Variants in ABCB1 observed in about 807,000 individuals in gnomAD.
ABCB1 encodes ATP binding cassette subfamily B member 1.
Under a neutral mutation model 142.0 loss-of-function variants are expected in ABCB1, and 69 were observed. The observed-to-expected ratio is 0.49, with a 90% CI of 0.40 to 0.59. ABCB1 has a LOEUF of 0.59. Among genes scored for constraint, ABCB1 ranks in the 20% least tolerant of loss-of-function variants. The probability of loss-of-function intolerance (pLI) is 0.00; values close to 1 mark genes in which losing one functional copy is unlikely to be tolerated. For synonymous variants in ABCB1, 532 were observed against 539.2 expected (o/e 0.99, Z 0.18); for missense variants, 1,326 against 1,554.7 (o/e 0.85, Z 2.47).
At chr7:87,581,999 C>G (rs1481688636) in intron 4 of ABCB1, among the ~76,000 whole-genome samples, 1 of 152,152 alleles carries the variant, frequency 6.6e-6, no homozygotes, top group African/African-American at 2.4e-5. Context: ...AGCATCAAAA[C>G]CTTTGATGCT....
chr7:87,623,462 T>G (rs1272540395), intron 1 of ABCB1, among the ~76,000 whole-genome samples: 1 of 152,240 alleles, frequency 6.6e-6, no homozygotes, highest in Non-Finnish European at 1.5e-5. Context: ...GTGTCTGTCA[T>G]AGCCTGTAAT....
At chr7:87,677,272 A>G (rs1049522902) in intron 1 of ABCB1, among the ~76,000 whole-genome samples, 22 of 144,870 alleles carry the variant, frequency 1.5e-4, no homozygotes, top group Non-Finnish European at 3.2e-4. Context: ...TACAGTGTAT[A>G]TAACACACAC....
chr7:87,679,153 C>T (rs896170296), intron 1 of ABCB1, among the ~76,000 whole-genome samples: 10 of 139,266 alleles, frequency 7.2e-5, no homozygotes, highest in South Asian at 4.6e-4. Flanking sequence ...AGTGCAGTGG[C>T]GCGATCTTGG....
chr7:87,582,308 T>C (rs1453177484), intron 4 of ABCB1, among the ~76,000 whole-genome samples: 1 of 152,260 alleles, frequency 6.6e-6, no homozygotes, highest in Non-Finnish European at 1.5e-5. Flanking sequence ...TATCACCTCC[T>C]CTTGGAAGCC....
At chr7:87,596,696 T>C (rs757719719) in intron 2 of ABCB1, among the ~76,000 whole-genome samples, 7 of 152,046 alleles carry the variant, frequency 4.6e-5, no homozygotes, top group Admixed American at 6.6e-5. Flanking sequence ...TTCATCTTTG[T>C]CTTTGTTCTT....
intron 1 of ABCB1, among the ~76,000 whole-genome samples, chr7:87,708,753 G>A (rs187105740): frequency 1.2e-3 from 186 of 152,154 alleles, no homozygotes; most frequent in African/African-American, 4.3e-3. Context: ...GTGGTAAAAT[G>A]AATTTCTTCT....
chr7:87,581,650 T>G (rs925325983), intron 4 of ABCB1, among the ~76,000 whole-genome samples: 8 of 152,080 alleles, frequency 5.3e-5, no homozygotes, highest in African/African-American at 1.9e-4. Context: ...TAAGGCAAAG[T>G]ATTGGGACGA....
At chr7:87,576,031 A>AT (rs1209831515) in intron 4 of ABCB1, among the ~76,000 whole-genome samples, 3 of 152,146 alleles carry the variant, frequency 2.0e-5, no homozygotes, top group Non-Finnish European at 4.4e-5. Flanking sequence ...ATGTCTATAA[A>AT]TTATGGGTTC....
At chr7:87,508,408 T>C (rs1325423514) in intron 26 of ABCB1, among the ~76,000 whole-genome samples, 1 of 152,218 alleles carries the variant, frequency 6.6e-6, no homozygotes, top group African/African-American at 2.4e-5. Context: ...TATATGCAAA[T>C]ATTCCAAAAT....
At chr7:87,660,662 T>C (rs1052874744) in intron 1 of ABCB1, among the ~76,000 whole-genome samples, 3 of 151,970 alleles carry the variant, frequency 2.0e-5, no homozygotes, top group African/African-American at 4.8e-5. Context: ...CTGTTATATC[T>C]TCTTTGGCTC....
chr7:87,671,225 A>G (rs374576743), intron 1 of ABCB1, among the ~76,000 whole-genome samples: 13 of 152,258 alleles, frequency 8.5e-5, no homozygotes, highest in African/African-American at 3.1e-4. Flanking sequence ...CCTTGGGCTG[A>G]TTACAACTGG....
intron 9 of ABCB1, 57 bp from the exon 10 acceptor site, chr7:87,550,895 T>C (rs1385652619): frequency 1.9e-6 from 2 of 1,044,076 alleles, no homozygotes; most frequent in African/African-American, 3.1e-5. Flanking sequence ...CAATTTTTTT[T>C]CATACTTCTT....
chr7:87,561,154 A>G (rs1274141922), intron 8 of ABCB1, 109 bp downstream of exon 8: 11 of 1,328,472 alleles, frequency 8.3e-6, no homozygotes, highest in Non-Finnish European at 1.1e-5. Context: ...AAGCTATTTA[A>G]GAAAACATAT....
intron 21 of ABCB1, among the ~76,000 whole-genome samples, chr7:87,525,636 T>C (rs1402474650): frequency 6.6e-6 from 1 of 152,174 alleles, no homozygotes; most frequent in African/African-American, 2.4e-5. Context: ...ATATTTACTA[T>C]TCATTAAGCG....
At chr7:87,682,424 C>A (rs537549054) in intron 1 of ABCB1, among the ~76,000 whole-genome samples, 13 of 152,234 alleles carry the variant, frequency 8.5e-5, no homozygotes, top group African/African-American at 2.6e-4. Context: ...GACTCATTGT[C>A]TATGGAGGCT....
rs1056655800 is a variant in ABCB1, at chr7:87,689,938, A to G, written c.-331+23223T>C. On this transcript the variant is annotated intron_variant, in intron 1 of 28. Transcript: ENST00000265724. ...CCAAATGTTTATGTGTGTTTGCACT[A>G]TATTTTTACTTTAAATCTTTGAATG... 2.6e-5 allele frequency among the ~76,000 whole-genome samples: 4 copies of G among 152,172 alleles called. No individual in the cohort carries two copies. The South Asian group carries it at 6.2e-4, about 24-fold the overall frequency.
chr7:87,509,697 T>C (rs1431143527), intron 25 of ABCB1, among the ~76,000 whole-genome samples: 1 of 152,230 alleles, frequency 6.6e-6, no homozygotes, highest in Non-Finnish European at 1.5e-5. Flanking sequence ...CCATGGTTTC[T>C]GATGTATGCA....
In ABCB1 at chr7:87,671,377, C is replaced by T. The variant is rs569172573; in HGVS notation, c.-331+41784G>A. Among the ~76,000 whole-genome samples the T allele has an allele frequency of 7.9e-5, 12 of 152,242 alleles. No homozygotes were observed. The South Asian group carries it at 2.1e-3, about 26-fold the overall frequency. On this transcript the variant is annotated intron_variant, in intron 1 of 28. Transcript: ENST00000265724. ...GGGAGTTGCCAAGTTGCTACTTGCT[C>T]GGTAGCTCTGGTAGAGGGTGGCTGG...
intron 1 of ABCB1, among the ~76,000 whole-genome samples, chr7:87,675,652 G>GAAAAAA (rs1826259609): frequency 2.9e-5 from 1 of 34,258 alleles, no homozygotes; most frequent in African/African-American, 2.0e-4. Flanking sequence ...ATATTCACAT[G>GAAAAAA]CAAAAAAAAA....
Sources: gnomAD v4.1 joint callset for allele counts (sites outside exome capture counted in the v4.1 genomes callset) on GRCh38, gnomAD v4.1.1 for gene constraint, MANE v1.5 for transcripts, NCBI Gene and HGNC (gene_info 2026-07-23, HGNC 2026-07-21) for gene names.